Variants in SLC37A3 observed in about 807,000 individuals in gnomAD.
The protein encoded by SLC37A3 is solute carrier family 37 member 3.
Under a neutral mutation model 67.1 loss-of-function variants are expected in SLC37A3, and 51 were observed. The ratio of observed to expected loss-of-function variants is 0.76; its 90% CI spans 0.61 to 0.96. The LOEUF is 0.96. Ranked by LOEUF, SLC37A3 falls within the 40% of genes least tolerant of loss-of-function variation. The probability of loss-of-function intolerance (pLI) is 0.00; values close to 1 mark genes in which losing one functional copy is unlikely to be tolerated. For synonymous variants in SLC37A3, 214 were observed against 231.4 expected, an observed-to-expected ratio of 0.92 and a Z score of 0.68; for missense variants, 508 against 603.0, an observed-to-expected ratio of 0.84 and a Z score of 1.65.
chr7:140,365,420 C>A (rs1797558075), intron 4 of SLC37A3, among the ~76,000 whole-genome samples: 1 of 151,248 alleles, frequency 6.6e-6, no homozygotes, highest in Non-Finnish European at 1.5e-5. Context: ...AAGAACCCAT[C>A]TCTAAAAAAA....
At chr7:140,395,533 C>A (rs1239387015) in intron 1 of SLC37A3, among the ~76,000 whole-genome samples, 1 of 151,174 alleles carries the variant, frequency 6.6e-6, no homozygotes, top group African/African-American at 2.4e-5. Flanking sequence ...TATGGCGAAA[C>A]CCTGTCTCTA....
intron 1 of SLC37A3, among the ~76,000 whole-genome samples, chr7:140,395,092 AT>A (rs1798865717): frequency 6.6e-6 from 1 of 152,054 alleles, no homozygotes; most frequent in Non-Finnish European, 1.5e-5. Flanking sequence ...AAAAAGAGCT[AT>A]AAAGCCGGGC....
intron 1 of SLC37A3, among the ~76,000 whole-genome samples, chr7:140,384,400 C>T (rs1451588355): frequency 6.6e-6 from 1 of 152,048 alleles, no homozygotes; most frequent in Non-Finnish European, 1.5e-5. Context: ...AAGGGAAACA[C>T]CCACAGCATT....
rs551317680 is a variant in SLC37A3, at chr7:140,390,940, T to C, written c.-71+7476A>G. Among the ~76,000 whole-genome samples the C allele has an allele frequency of 1.8e-4, 28 of 152,262 alleles. No individual in the cohort carries two copies. In the South Asian group the frequency reaches 5.2e-3, roughly 28 times the overall value. ...AATCTACAGTGCCCTTCCTTGTCTC[T>C]GTCCTCCTCCTTCCCTGCACCAAAG... On this transcript the variant is annotated intron_variant, in intron 1 of 14. Transcript: ENST00000326232.
At chr7:140,375,547 CTTTATT>C (rs1327443405) in intron 3 of SLC37A3, among the ~76,000 whole-genome samples, 1 of 152,000 alleles carries the variant, frequency 6.6e-6, no homozygotes, top group Non-Finnish European at 1.5e-5. Context: ...AAAGAAACAT[CTTTATT>C]TTTAATCCAT....
intron 4 of SLC37A3, among the ~76,000 whole-genome samples, chr7:140,365,680 C>T (rs1195873072): frequency 1.3e-5 from 2 of 152,176 alleles, no homozygotes; most frequent in East Asian, 3.9e-4. Flanking sequence ...GAGATGGCAC[C>T]ACTGCACTCC....
intron 13 of SLC37A3, among the ~76,000 whole-genome samples, chr7:140,338,752 G>T (rs866527747): frequency 6.6e-6 from 1 of 151,512 alleles, no homozygotes; most frequent in East Asian, 1.9e-4. Context: ...GATTACAAGC[G>T]TGAGCCACTG....
In SLC37A3 at chr7:140,356,249, T is replaced by C. The variant is rs140655760; in HGVS notation, c.522-485A>G. Among the ~76,000 whole-genome samples, 560 of 148,584 alleles carry C rather than the reference T, an allele frequency of 3.8e-3. 3 individuals are homozygous for C. Among genetic ancestry groups the C allele is most frequent in the African/African-American group, 0.013 (532 of 40,558 alleles). ...AGAATATAAGGCCCTCAAAACTCAG[T>C]AAAATATGACAACAGACAATGCAAT... On this transcript the variant is annotated intron_variant, in intron 6 of 14. Coordinates refer to ENST00000326232, the MANE Select transcript of SLC37A3 (RefSeq NM_207113.3).
chr7:140,397,540 G>C (rs1798988047), intron 1 of SLC37A3, among the ~76,000 whole-genome samples: 1 of 152,026 alleles, frequency 6.6e-6, no homozygotes, highest in South Asian at 2.1e-4. Flanking sequence ...TAATTTATAT[G>C]GAGTTCTTAG....
intron 1 of SLC37A3, among the ~76,000 whole-genome samples, chr7:140,394,733 T>C: frequency 6.6e-6 from 1 of 151,298 alleles, no homozygotes; most frequent in African/African-American, 2.4e-5. Flanking sequence ...CTCAGCCTCT[T>C]GAGTAGCTGG....
chr7:140,363,740 CAAAAAA>C (rs71170980), intron 5 of SLC37A3, among the ~76,000 whole-genome samples: 4 of 107,858 alleles, frequency 3.7e-5, no homozygotes, highest in Non-Finnish European at 7.4e-5. Context: ...AACTCCGCCT[CAAAAAA>C]AAAAAAAAAA....
chr7:140,391,273 G>A (rs1376088502), intron 1 of SLC37A3, among the ~76,000 whole-genome samples: 1 of 152,164 alleles, frequency 6.6e-6, no homozygotes, highest in Non-Finnish European at 1.5e-5. Context: ...AGAACTCTTA[G>A]GCCAGGCACA....
intron 1 of SLC37A3, among the ~76,000 whole-genome samples, chr7:140,390,795 C>T (rs542177951): frequency 2.6e-5 from 4 of 152,316 alleles, no homozygotes; most frequent in Non-Finnish European, 4.4e-5. Context: ...TTGCAGATCA[C>T]TTACCTGAAT....
chr7:140,369,510 C>A, intron 4 of SLC37A3, 80 bp downstream of exon 4: 2 of 1,137,290 alleles, frequency 1.8e-6, no homozygotes, highest in Non-Finnish European at 2.5e-6. Context: ...ATTCAAAATC[C>A]CTTACAAATT....
chr7:140,352,155 G>A lies in SLC37A3; in HGVS notation c.619-9C>T, dbSNP rs766013481. On this transcript the variant is annotated splice_polypyrimidine_tract_variant and intron_variant, in intron 7 of 14. Coordinates refer to ENST00000326232, the MANE Select transcript of SLC37A3 (RefSeq NM_207113.3). ...GTCACCAGAAAGGCATACTGGAGGA[G>A]AGGGGTGAAAGGTGGTCCTTACATA... 16 of 1,595,360 alleles carry A rather than the reference G, an allele frequency of 1.0e-5. No homozygotes were observed. The South Asian group carries it at 1.7e-4, about 17-fold the overall frequency.
intron 12 of SLC37A3, chr7:140,343,895 C>A: frequency 3.7e-6 from 1 of 269,852 alleles, no homozygotes; most frequent in Non-Finnish European, 7.1e-6. Flanking sequence ...ACGGTAGTTG[C>A]ATCATATGAT....
In SLC37A3 at chr7:140,333,897, C is replaced by G. The variant is rs1441366543; in HGVS notation, c.*1515G>C. On this transcript the variant is annotated 3_prime_UTR_variant, in exon 15 of 15. Coordinates refer to ENST00000326232, the MANE Select transcript of SLC37A3 (RefSeq NM_207113.3). ...ACACACCCCATATCAGAGTATAAAGCAAGAGGTTGAAAAATATCCCCTAAC... is the reference window on the plus strand; with the variant it reads ...ACACACCCCATATCAGAGTATAAAGGAAGAGGTTGAAAAATATCCCCTAAC... The G allele has an allele frequency of 1.3e-5, 2 of 152,582 alleles. No individual in the cohort carries two copies. Among genetic ancestry groups the G allele is most frequent in the Non-Finnish European group, 2.9e-5 (2 of 68,034 alleles). The allele number at this position is 152,582 out of a possible 1,614,324, so 9.5% of individuals were successfully genotyped here.
At chr7:140,397,713 A>T (rs1798993622) in intron 1 of SLC37A3, among the ~76,000 whole-genome samples, 1 of 152,136 alleles carries the variant, frequency 6.6e-6, no homozygotes, top group Admixed American at 6.6e-5. Context: ...TAACAACTGA[A>T]TGATTTTGCT....
At chr7:140,391,776 C>G (rs1365662055) in intron 1 of SLC37A3, among the ~76,000 whole-genome samples, 1 of 152,140 alleles carries the variant, frequency 6.6e-6, no homozygotes, top group Non-Finnish European at 1.5e-5. Flanking sequence ...CCAGTAATCA[C>G]CAGACACTCA....
Sources: gnomAD v4.1 joint callset for allele counts (sites outside exome capture counted in the v4.1 genomes callset) on GRCh38, gnomAD v4.1.1 for gene constraint, MANE v1.5 for transcripts, NCBI Gene and HGNC (gene_info 2026-07-23, HGNC 2026-07-21) for gene names.